The following AGAP1 variants were observed in gnomAD, a reference collection of about 807,000 sequenced individuals.
AGAP1 encodes the protein ArfGAP with GTPase domain, ankyrin repeat and PH domain 1.
Under a neutral mutation model 105.3 loss-of-function variants are expected in AGAP1, and 29 were observed. The ratio of observed to expected loss-of-function variants is 0.28; its 90% CI spans 0.21 to 0.38. The LOEUF (loss-of-function observed/expected upper bound fraction) is 0.38. AGAP1 is among the 10% of genes least tolerant of loss of function. The probability of loss-of-function intolerance (pLI) is 1.00; values close to 1 mark genes in which losing one functional copy is unlikely to be tolerated. For synonymous variants in AGAP1, 509 were observed against 485.9 expected, an observed-to-expected ratio of 1.05 and a Z score of -0.63; for missense variants, 998 against 1,165.1, an observed-to-expected ratio of 0.86 and a Z score of 2.09.
intron 1 of AGAP1, among the ~76,000 whole-genome samples, chr2:235,675,310 C>A (rs974060606): frequency 1.3e-5 from 2 of 151,834 alleles, no homozygotes; most frequent in African/African-American, 4.8e-5. Flanking sequence ...CTGCCTCAGC[C>A]TCTCCGAATA....
intron 11 of AGAP1, among the ~76,000 whole-genome samples, chr2:235,913,545 G>A (rs995659801): frequency 2.6e-5 from 4 of 152,110 alleles, no homozygotes; most frequent in Non-Finnish European, 5.9e-5. Context: ...TGTGTTCCGA[G>A]ACCTGGTGTC....
Position 235,609,049 on chromosome 2 carries a change from C to T in AGAP1, c.164-100130C>T, listed in dbSNP as rs1946042488. On this transcript the variant is annotated intron_variant, in intron 1 of 17. Transcript: ENST00000304032. The surrounding 1 kb of genome is among the most constrained non-coding windows in gnomAD (Gnocchi z 5.1). ...AGGAAGGAGGCAGTGGTAAGTTCTG[C>T]ATAGAAATGATTTTTGCACAGAGCT... Among the ~76,000 whole-genome samples the T allele has an allele frequency of 6.6e-6, 1 of 152,136 alleles. No individual in the cohort carries two copies. Among genetic ancestry groups the T allele is most frequent in the African/African-American group, 2.4e-5 (1 of 41,436 alleles).
At chr2:235,813,217 TC>T (rs1371953836) in intron 9 of AGAP1, among the ~76,000 whole-genome samples, 2 of 152,254 alleles carry the variant, frequency 1.3e-5, no homozygotes, top group African/African-American at 4.8e-5. Flanking sequence ...GACAATATGT[TC>T]CTCACAAGAT....
At chr2:235,537,050 C>T (rs1313021072) in intron 1 of AGAP1, among the ~76,000 whole-genome samples, 1 of 152,218 alleles carries the variant, frequency 6.6e-6, no homozygotes, top group Non-Finnish European at 1.5e-5. Flanking sequence ...TCCTCTGCGC[C>T]TGCCCAGGTC....
rs534039390 is a variant in AGAP1, at chr2:235,732,611, C to G, written c.311-8352C>G. On this transcript the variant is annotated intron_variant, in intron 3 of 17. Transcript: ENST00000304032. The surrounding 1 kb of genome is among the most constrained non-coding windows in gnomAD (Gnocchi z 4.8). ...CTTCCTCTCCCCAAGCCTCTCCCGC[C>G]TTCCCATTTTCCCTGCTGGGGAGCC... Among the ~76,000 whole-genome samples the G allele has an allele frequency of 1.8e-3, 277 of 152,288 alleles. No individual in the cohort carries two copies. Among genetic ancestry groups the G allele is most frequent in the Middle Eastern group, 0.014 (4 of 294 alleles).
chr2:235,730,154 A>G (rs1402415871), intron 3 of AGAP1, among the ~76,000 whole-genome samples: 4 of 152,138 alleles, frequency 2.6e-5, no homozygotes, highest in Non-Finnish European at 5.9e-5. Context: ...TGAATTGCAT[A>G]TTGAAAAAGA....
At position 235,620,229 on chromosome 2, in the gene AGAP1, C is replaced by T. The variant is rs1030270896; in HGVS notation, c.164-88950C>T. On this transcript the variant is annotated intron_variant, in intron 1 of 17. Coordinates refer to ENST00000304032, the MANE Select transcript of AGAP1 (RefSeq NM_001037131.3). This position sits in a 1 kb window ranked among gnomAD's most constrained non-coding sequence, Gnocchi z 4.5. The stretch of plus-strand genomic sequence containing the variant: ...AGTATATCCAGGATGCAGTGGCTTC[C>T]TGAGCCACCTCAGCCATTAGCACCC... Among the ~76,000 whole-genome samples, 4 of 152,210 alleles carry T rather than the reference C, an allele frequency of 2.6e-5. No homozygotes were observed.
chr2:235,883,466 C>T lies in AGAP1; in HGVS notation c.1155+17C>T, dbSNP rs376006142. 18 of 1,600,574 alleles carry T rather than the reference C, an allele frequency of 1.1e-5. No individual in the cohort carries two copies. Among genetic ancestry groups the T allele is most frequent in the African/African-American group, 2.7e-5 (2 of 74,568 alleles). ...AGTTTACATGTGAGTATAGCCCCCT[C>T]GGAGCAATTAACAGCTGCAGACCTC... On this transcript the variant is annotated intron_variant, in intron 10 of 17. Coordinates refer to ENST00000304032, the MANE Select transcript of AGAP1 (RefSeq NM_001037131.3). This position sits in a 1 kb window ranked among gnomAD's most constrained non-coding sequence, Gnocchi z 4.5.
rs1944670758 is a variant in AGAP1 at position 235,574,484 on chromosome 2, G to A, written c.163+79635G>A. ...GGGAAGAGCCCTTTTTGGCAGTGTA[G>A]TTTCTCTTTTAATAGCTGTGATCAG... On this transcript the variant is annotated intron_variant, in intron 1 of 17. Coordinates refer to ENST00000304032, the MANE Select transcript of AGAP1 (RefSeq NM_001037131.3). The surrounding 1 kb of genome is among the most constrained non-coding windows in gnomAD (Gnocchi z 5.0). Among the ~76,000 whole-genome samples, 1 of 152,194 alleles carries A rather than the reference G, an allele frequency of 6.6e-6. No homozygotes were observed. The highest frequency in any genetic ancestry group is 2.4e-5 in the African/African-American group (1 of 41,438).
rs1951774581 is a variant in AGAP1 at position 235,728,559 on chromosome 2, G to A, written c.310+10915G>A. 6.6e-6 allele frequency among the ~76,000 whole-genome samples: 1 copy of A among 152,174 alleles called. No individual in the cohort carries two copies. The highest frequency in any genetic ancestry group is 2.4e-5 in the African/African-American group (1 of 41,434). On this transcript the variant is annotated intron_variant, in intron 3 of 17. Coordinates refer to ENST00000304032, the MANE Select transcript of AGAP1 (RefSeq NM_001037131.3). The surrounding 1 kb of genome is among the most constrained non-coding windows in gnomAD (Gnocchi z 4.3). ...GAGGCAGGGTCTGTGTGCAGGAGGA[G>A]TGCTAGTGTGAGAGCTGCTGGTGCC...
chr2:235,824,211 G>A lies in AGAP1; in HGVS notation c.1050+16880G>A, dbSNP rs138834243. On this transcript the variant is annotated intron_variant, in intron 9 of 17. Coordinates refer to ENST00000304032, the MANE Select transcript of AGAP1 (RefSeq NM_001037131.3). This position sits in a 1 kb window ranked among gnomAD's most constrained non-coding sequence, Gnocchi z 5.2. ...TCGATTGGTGGCACCCGTGTTCCAC[G>A]GTACAGCTAGGCCTTCTGTGAGATC... Among the ~76,000 whole-genome samples, 768 of 152,334 alleles carry A rather than the reference G, an allele frequency of 5.0e-3. 6 individuals are homozygous for A. The highest frequency in any genetic ancestry group is 0.017 in the African/African-American group (721 of 41,580).
chr2:235,800,103 C>CTT (rs778896992), intron 8 of AGAP1, among the ~76,000 whole-genome samples: 42 of 138,452 alleles, frequency 3.0e-4, no homozygotes, highest in Admixed American at 5.7e-4. Context: ...TGCATTGTTC[C>CTT]TTTTTTTTTT....
At chr2:235,783,933 A>G (rs550545449) in intron 6 of AGAP1, among the ~76,000 whole-genome samples, 1 of 152,244 alleles carries the variant, frequency 6.6e-6, no homozygotes, top group South Asian at 2.1e-4. Flanking sequence ...TGATGCCTGC[A>G]CCGTAGTTGA....
At chr2:235,523,007 G>A (rs576811427) in intron 1 of AGAP1, among the ~76,000 whole-genome samples, 5 of 152,280 alleles carry the variant, frequency 3.3e-5, no homozygotes, top group Admixed American at 1.3e-4. Flanking sequence ...AACAATAGTC[G>A]TTTATGTCTC....
chr2:235,727,645 T>C (rs1951713404), intron 3 of AGAP1, among the ~76,000 whole-genome samples: 9 of 152,200 alleles, frequency 5.9e-5, no homozygotes, highest in Admixed American at 3.9e-4. Flanking sequence ...TGTTTTTACA[T>C]CCTTCCTCCA....
In AGAP1 at chr2:236,061,058, G is replaced by T. The variant is rs1054174122; in HGVS notation, c.2114+11777G>T. The stretch of plus-strand genomic sequence containing the variant: ...AGCCTGGATAACAGAACAAGACCTC[G>T]TCTGAAAAATAAAATAAGTAAAAAA... On this transcript the variant is annotated intron_variant, in intron 16 of 17. Transcript: ENST00000304032. The surrounding 1 kb of genome is among the most constrained non-coding windows in gnomAD (Gnocchi z 4.1). 6.6e-6 allele frequency among the ~76,000 whole-genome samples: 1 copy of T among 152,096 alleles called. No individual in the cohort carries two copies. Among genetic ancestry groups the T allele is most frequent in the Non-Finnish European group, 1.5e-5 (1 of 68,024 alleles).
chr2:235,742,992 C>T (rs1471860868), intron 4 of AGAP1, among the ~76,000 whole-genome samples: 1 of 152,122 alleles, frequency 6.6e-6, no homozygotes, highest in African/African-American at 2.4e-5. Context: ...CATGGTGAAA[C>T]CCCATTTCTA....
At position 235,690,740 on chromosome 2, in the gene AGAP1, A is replaced by G. The variant is rs1291889695; in HGVS notation, c.164-18439A>G. Among the ~76,000 whole-genome samples, 1 of 152,178 alleles carries G rather than the reference A, an allele frequency of 6.6e-6. No individual in the cohort carries two copies. Among genetic ancestry groups the G allele is most frequent in the African/African-American group, 2.4e-5 (1 of 41,460 alleles). ...TGGTAGACACCTGTCTGCTTGGGGC[A>G]GGTATACTGACTTTTTGTTGCTTTT... On this transcript the variant is annotated intron_variant, in intron 1 of 17. Coordinates refer to ENST00000304032, the MANE Select transcript of AGAP1 (RefSeq NM_001037131.3). This position sits in a 1 kb window ranked among gnomAD's most constrained non-coding sequence, Gnocchi z 4.1.
rs1211352750 is a variant in AGAP1 at position 235,692,725 on chromosome 2, T to G, written c.164-16454T>G. ...GCCAGCCTCCCTGCTTATCCTTCCCTGCCGCCTCGTGTGTCCTGCATGGCA... is the reference window on the plus strand; with the variant it reads ...GCCAGCCTCCCTGCTTATCCTTCCCGGCCGCCTCGTGTGTCCTGCATGGCA... On this transcript the variant is annotated intron_variant, in intron 1 of 17. Transcript: ENST00000304032. The surrounding 1 kb of genome is among the most constrained non-coding windows in gnomAD (Gnocchi z 5.8). Among the ~76,000 whole-genome samples the G allele has an allele frequency of 1.3e-5, 2 of 152,170 alleles. No individual in the cohort carries two copies. Among genetic ancestry groups the G allele is most frequent in the African/African-American group, 2.4e-5 (1 of 41,444 alleles).
Sources: allele counts gnomAD v4.1 joint callset (sites outside exome capture counted in the v4.1 genomes callset), GRCh38; gene constraint gnomAD v4.1.1; non-coding constraint Gnocchi (gnomAD v3.1); transcripts MANE v1.5; gene names NCBI Gene and HGNC (gene_info 2026-07-23, HGNC 2026-07-21).